The following MACROD2 variants were observed in gnomAD, a reference collection of about 807,000 sequenced individuals.
MACROD2 encodes the protein ADP-ribose glycohydrolase MACROD2.
In MACROD2, 36 loss-of-function variants were observed where a neutral mutation model predicts 70.4. The ratio of observed to expected loss-of-function variants is 0.51; its 90% CI spans 0.39 to 0.68. MACROD2 has a LOEUF of 0.68. MACROD2 is among the 30% of genes least tolerant of loss of function. The pLI, the probability that MACROD2 is intolerant of heterozygous loss-of-function variation, is 0.00. For synonymous variants in MACROD2, 172 were observed against 178.8 expected (o/e 0.96, Z 0.30); for missense variants, 496 against 538.4 (o/e 0.92, Z 0.78).
At chr20:14,533,397 A>G (rs1026115168) in intron 4 of MACROD2, among the ~76,000 whole-genome samples, 4 of 152,240 alleles carry the variant, frequency 2.6e-5, no homozygotes, top group Non-Finnish European at 5.9e-5. Context: ...TTGACAAGCT[A>G]TAAGAAGCAC....
chr20:15,240,754 G>T (rs1429881570), intron 6 of MACROD2, among the ~76,000 whole-genome samples: 2 of 152,142 alleles, frequency 1.3e-5, no homozygotes, highest in Admixed American at 6.5e-5. Context: ...AGACTTAAAT[G>T]AGTTGATAAG....
chr20:14,460,391 T>G (rs1475926089), intron 3 of MACROD2, among the ~76,000 whole-genome samples: 1 of 152,104 alleles, frequency 6.6e-6, no homozygotes, highest in Non-Finnish European at 1.5e-5. Flanking sequence ...GCATCTGTTG[T>G]TTCCTGACTT....
intron 5 of MACROD2, among the ~76,000 whole-genome samples, chr20:15,136,373 A>C (rs2076147976): frequency 6.6e-6 from 1 of 152,012 alleles, no homozygotes; most frequent in African/African-American, 2.4e-5. Flanking sequence ...CATATAGATC[A>C]GTGGAACAGA....
At chr20:15,434,811 G>A (rs1224293181) in intron 7 of MACROD2, among the ~76,000 whole-genome samples, 2 of 152,060 alleles carry the variant, frequency 1.3e-5, no homozygotes, top group African/African-American at 2.4e-5. Context: ...AATGTGGTAT[G>A]TATATACCCC....
At chr20:14,279,146 G>C (rs1329747019) in intron 3 of MACROD2, among the ~76,000 whole-genome samples, 1 of 152,120 alleles carries the variant, frequency 6.6e-6, no homozygotes, top group Admixed American at 6.6e-5. Context: ...GGTACTAAAG[G>C]CTTATCACTG....
chr20:14,026,045 A>G (rs764522152), intron 2 of MACROD2, among the ~76,000 whole-genome samples: 4 of 152,176 alleles, frequency 2.6e-5, no homozygotes, highest in Non-Finnish European at 5.9e-5. Context: ...GGGTTCATAT[A>G]TATTTAGCAT....
At chr20:14,869,992 T>C (rs1006643927) in intron 5 of MACROD2, among the ~76,000 whole-genome samples, 1 of 152,144 alleles carries the variant, frequency 6.6e-6, no homozygotes, top group African/African-American at 2.4e-5. Context: ...ATGTGCAAGT[T>C]TGTCATATAG....
At chr20:14,862,289 T>A (rs1208307455) in intron 5 of MACROD2, among the ~76,000 whole-genome samples, 2 of 14,302 alleles carry the variant, frequency 1.4e-4, no homozygotes, top group Non-Finnish European at 2.4e-4. Context: ...TTATATATAT[T>A]TATATAAATA....
intron 8 of MACROD2, among the ~76,000 whole-genome samples, chr20:15,851,255 C>G (rs897293996): frequency 6.6e-6 from 1 of 151,514 alleles, no homozygotes; most frequent in Admixed American, 6.6e-5. Flanking sequence ...ACAGCAAAGG[C>G]TTCGGCTGAT....
chr20:14,768,394 G>A lies in MACROD2; in HGVS notation c.418+83435G>A, dbSNP rs1046455662. ...AATAGAGTATGTGAACATTTCCCAG[G>A]AATTTGGGAATTGATATCAGTTTTA... On this transcript the variant is annotated intron_variant, in intron 5 of 17. Coordinates refer to ENST00000684519, the MANE Select transcript of MACROD2 (RefSeq NM_001351661.2). Among the ~76,000 whole-genome samples, 8 of 152,088 alleles carry A rather than the reference G, an allele frequency of 5.3e-5. 1 individual carries two copies. The highest frequency in any genetic ancestry group is 1.0e-4 in the Non-Finnish European group (7 of 68,028).
intron 13 of MACROD2, among the ~76,000 whole-genome samples, chr20:15,977,715 G>A (rs1031246933): frequency 1.3e-5 from 2 of 152,078 alleles, no homozygotes; most frequent in Non-Finnish European, 1.5e-5. Flanking sequence ...ACTACATCAC[G>A]GTGTGATCAG....
Position 14,800,042 on chromosome 20 carries a change from A to C in MACROD2, c.418+115083A>C, listed in dbSNP as rs574724603. Reference sequence around the variant, plus strand: ...TTGTACTCAGTCAAGCTGACAGTTCAGACAAGTGTTCCATCACGACCACCT... The same window carrying C: ...TTGTACTCAGTCAAGCTGACAGTTCCGACAAGTGTTCCATCACGACCACCT... On this transcript the variant is annotated intron_variant, in intron 5 of 17. Coordinates refer to ENST00000684519, the MANE Select transcript of MACROD2 (RefSeq NM_001351661.2). Among the ~76,000 whole-genome samples, 9 of 151,858 alleles carry C rather than the reference A, an allele frequency of 5.9e-5. No individual in the cohort carries two copies. The East Asian group carries it at 1.5e-3, about 26-fold the overall frequency.
At chr20:15,726,678 T>C (rs1356092186) in intron 8 of MACROD2, among the ~76,000 whole-genome samples, 1 of 152,146 alleles carries the variant, frequency 6.6e-6, no homozygotes, top group Admixed American at 6.5e-5. Flanking sequence ...TCTCTAATGA[T>C]CAGAGATGTT....
chr20:14,706,151 T>TA (rs1205695582), intron 5 of MACROD2, among the ~76,000 whole-genome samples: 2 of 152,032 alleles, frequency 1.3e-5, no homozygotes, highest in African/African-American at 4.8e-5. Context: ...CCGTCTCTAC[T>TA]AAAAATACAA....
chr20:14,301,364 ATCCTT>A (rs2082474015), intron 3 of MACROD2, among the ~76,000 whole-genome samples: 1 of 152,222 alleles, frequency 6.6e-6, no homozygotes, highest in Admixed American at 6.5e-5. Flanking sequence ...GGCATATTGA[ATCCTT>A]TGATTTATTT....
chr20:14,434,115 C>G (rs896559408), intron 3 of MACROD2, among the ~76,000 whole-genome samples: 1 of 152,000 alleles, frequency 6.6e-6, no homozygotes, highest in Admixed American at 6.6e-5. Flanking sequence ...GACAAGTGAA[C>G]ACAAAACTGA....
intron 8 of MACROD2, among the ~76,000 whole-genome samples, chr20:15,667,479 GTATCTATGTATC>G (rs771507470): frequency 3.5e-5 from 5 of 142,256 alleles, no homozygotes; most frequent in Non-Finnish European, 6.3e-5. Flanking sequence ...ATGTATCTAT[GTATCTATGTATC>G]TATCTATGTA....
At chr20:15,123,738 T>C (rs1012803974) in intron 5 of MACROD2, among the ~76,000 whole-genome samples, 1 of 152,298 alleles carries the variant, frequency 6.6e-6, no homozygotes, top group African/African-American at 2.4e-5. Context: ...CTCAAGTCAG[T>C]TTGAATCAAA....
At chr20:14,147,563 C>T (rs2054957932) in intron 3 of MACROD2, among the ~76,000 whole-genome samples, 1 of 152,120 alleles carries the variant, frequency 6.6e-6, no homozygotes, top group Admixed American at 6.5e-5. Context: ...TATTACTTGA[C>T]CTCAGGTAGT....
Sources: gnomAD v4.1 joint callset for allele counts (sites outside exome capture counted in the v4.1 genomes callset) on GRCh38, gnomAD v4.1.1 for gene constraint, MANE v1.5 for transcripts, NCBI Gene and HGNC (gene_info 2026-07-23, HGNC 2026-07-21) for gene names.